Variants in ADGRV1 observed in about 807,000 individuals in gnomAD.
ADGRV1 encodes the protein adhesion G protein-coupled receptor V1.
A neutral mutation model predicts 596.2 loss-of-function variants in ADGRV1; 359 were observed. The ratio of observed to expected loss-of-function variants is 0.60; its 90% CI spans 0.55 to 0.66. ADGRV1 has a LOEUF of 0.66. ADGRV1 is among the 30% of genes least tolerant of loss of function. ADGRV1 has a pLI of 0.00. For synonymous variants in ADGRV1, 2,681 were observed against 2,679.2 expected, an observed-to-expected ratio of 1.00 and a Z score of -0.02; for missense variants, 7,274 against 7,575.6, an observed-to-expected ratio of 0.96 and a Z score of 1.48.
At position 90,617,909 on chromosome 5, in the gene ADGRV1, T is replaced by C; in HGVS notation, c.313T>C (p.Leu105=). Residue 105 remains leucine, a synonymous_variant, in exon 3 of 90, where the codon TTA becomes CTA. Coordinates refer to ENST00000405460, the MANE Select transcript of ADGRV1 (RefSeq NM_032119.4). ...TVYIAVCDDD[L]PEPDETFIFH... is the part of the protein sequence containing the mutation. ...GTACATAGCAGTATGTGATGATGAC[T>C]TACCAGAGCCTGACGAAACTTTTAT... 1 of 1,593,798 alleles carries C rather than the reference T, an allele frequency of 6.3e-7. No individual in the cohort carries two copies. Among genetic ancestry groups the C allele is most frequent in the East Asian group, 2.2e-5 (1 of 44,488 alleles).
chr5:90,916,719 G>A (rs1488708555), intron 83 of ADGRV1, among the ~76,000 whole-genome samples: 7 of 139,044 alleles, frequency 5.0e-5, no homozygotes, highest in Non-Finnish European at 1.1e-4. Flanking sequence ...TGCAAGCTCC[G>A]CCTCCCGGGT....
chr5:90,882,421 C>T (rs1769882455), intron 83 of ADGRV1, among the ~76,000 whole-genome samples: 1 of 152,234 alleles, frequency 6.6e-6, no homozygotes, highest in South Asian at 2.1e-4. Flanking sequence ...AACTTGCTCA[C>T]AGTCTCCTGT....
intron 82 of ADGRV1, among the ~76,000 whole-genome samples, chr5:90,856,538 A>G (rs911503017): frequency 2.0e-5 from 3 of 152,160 alleles, no homozygotes; most frequent in Non-Finnish European, 4.4e-5. Context: ...CGGGCATCTG[A>G]GAATTCCTTA....
chr5:90,561,866 G>A (rs1754878263), intron 1 of ADGRV1, among the ~76,000 whole-genome samples: 1 of 152,084 alleles, frequency 6.6e-6, no homozygotes, highest in African/African-American at 2.4e-5. Flanking sequence ...CCCTGATTTT[G>A]GGGGGACAAA....
At chr5:90,700,267 G>A (rs533948059) in intron 34 of ADGRV1, among the ~76,000 whole-genome samples, 10 of 152,238 alleles carry the variant, frequency 6.6e-5, no homozygotes, top group East Asian at 1.9e-4. Flanking sequence ...CAGTGTTAAC[G>A]TTGCTTTTAG....
chr5:90,624,984 T>A, intron 5 of ADGRV1, 146 bp from the exon 6 acceptor site: 1 of 581,014 alleles, frequency 1.7e-6, no homozygotes, highest in Non-Finnish European at 3.1e-6. Context: ...CCTATTAATT[T>A]GAAGGGCAGA....
intron 1 of ADGRV1, among the ~76,000 whole-genome samples, chr5:90,577,120 A>G (rs544403701): frequency 6.6e-6 from 1 of 152,218 alleles, no homozygotes; most frequent in South Asian, 2.1e-4. Flanking sequence ...TCTTTAGTTT[A>G]ATTAGATCCC....
intron 86 of ADGRV1, among the ~76,000 whole-genome samples, chr5:91,088,322 A>C (rs1302002809): frequency 6.6e-6 from 1 of 152,208 alleles, no homozygotes; most frequent in Non-Finnish European, 1.5e-5. Flanking sequence ...ATTTGCAAAT[A>C]AATATTTAAT....
chr5:91,027,136 AGT>A (rs1784076703), intron 85 of ADGRV1, among the ~76,000 whole-genome samples: 1 of 107,940 alleles, frequency 9.3e-6, no homozygotes, highest in Non-Finnish European at 2.1e-5. Context: ...AGCAAAACAC[AGT>A]CTCAAAACAC....
chr5:90,864,928 T>C (rs1767952131), intron 83 of ADGRV1, among the ~76,000 whole-genome samples: 1 of 152,158 alleles, frequency 6.6e-6, no homozygotes, highest in African/African-American at 2.4e-5. Flanking sequence ...TTTGCACAGT[T>C]TTTTAGAATG....
At position 90,863,871 on chromosome 5, in the gene ADGRV1, G is replaced by C; in HGVS notation, c.17856+14G>C. 1.3e-6 allele frequency: 2 copies of C among 1,525,866 alleles called. No homozygotes were observed. The highest frequency in any genetic ancestry group is 1.8e-6 in the Non-Finnish European group (2 of 1,100,850). 94.5% of individuals were successfully genotyped at this position (1,525,866 alleles called of 1,614,324 possible). On this transcript the variant is annotated intron_variant, in intron 83 of 89. Transcript: ENST00000405460. The stretch of plus-strand genomic sequence containing the variant: ...TTAGGTACACAGGTAGGAGAGCGCT[G>C]GCATTTTTGATTTATCGTGAGATGT...
chr5:90,768,176 G>A (rs1160092691), intron 59 of ADGRV1, among the ~76,000 whole-genome samples: 1 of 152,122 alleles, frequency 6.6e-6, no homozygotes, highest in Non-Finnish European at 1.5e-5. Flanking sequence ...TTCTTCCAGC[G>A]AATAAGTTCA....
intron 83 of ADGRV1, among the ~76,000 whole-genome samples, chr5:90,936,311 C>T (rs1367041769): frequency 6.6e-6 from 1 of 152,050 alleles, no homozygotes; most frequent in Non-Finnish European, 1.5e-5. Flanking sequence ...CACATACATG[C>T]ACATACACAC....
intron 70 of ADGRV1, chr5:90,793,382 A>AG (rs1436635256): frequency 6.6e-6 from 1 of 152,232 alleles, no homozygotes; most frequent in Non-Finnish European, 1.5e-5. Context: ...AAAGAACACT[A>AG]GGGGGCAATC....
At chr5:90,872,423 TTGTGTGTGTG>T (rs55743704) in intron 83 of ADGRV1, among the ~76,000 whole-genome samples, 5,129 of 147,386 alleles carry the variant, frequency 0.035, 132 homozygotes, top group South Asian at 0.096. Context: ...TGGTATGAGC[TTGTGTGTGTG>T]TGTGTGTGTG....
chr5:91,132,693 C>T (rs1448043461), intron 87 of ADGRV1, among the ~76,000 whole-genome samples: 3 of 152,172 alleles, frequency 2.0e-5, no homozygotes, highest in Non-Finnish European at 2.9e-5. Context: ...GAGGTGGCAC[C>T]AGGCCCAGGA....
chr5:91,027,251 T>C (rs1425271743), intron 85 of ADGRV1, among the ~76,000 whole-genome samples: 2 of 149,516 alleles, frequency 1.3e-5, no homozygotes, highest in Non-Finnish European at 3.0e-5. Flanking sequence ...ATAAAACAAA[T>C]AATGGACTAA....
In ADGRV1 at chr5:90,569,035, G is replaced by A. The variant is rs754586473; in HGVS notation, c.22+10118G>A. Among the ~76,000 whole-genome samples the A allele has an allele frequency of 5.3e-4, 81 of 152,064 alleles. 1 individual carries two copies. Among genetic ancestry groups the A allele is most frequent in the Non-Finnish European group, 1.0e-3 (68 of 68,030 alleles). On this transcript the variant is annotated intron_variant, in intron 1 of 89. Transcript: ENST00000405460. ...TCCAAGAACTTGGCTCTGGTATCTGGCAAGGGCTTTTGTGCTATGTTATTC... is the reference window on the plus strand; with the variant it reads ...TCCAAGAACTTGGCTCTGGTATCTGACAAGGGCTTTTGTGCTATGTTATTC...
At chr5:90,720,898 CT>C (rs750958366) in intron 44 of ADGRV1, 36 bp from the exon 45 acceptor site, 52 of 1,566,760 alleles carry the variant, frequency 3.3e-5, no homozygotes, top group Non-Finnish European at 4.3e-5. Flanking sequence ...AGAATGTATA[CT>C]TTTTCTGCTT....
Sources: allele counts gnomAD v4.1 joint callset (sites outside exome capture counted in the v4.1 genomes callset), GRCh38; gene constraint gnomAD v4.1.1; transcripts MANE v1.5; gene names NCBI Gene and HGNC (gene_info 2026-07-23, HGNC 2026-07-21).